Variants in KCNT2 observed in about 807,000 individuals in gnomAD.
The protein encoded by KCNT2 is potassium sodium-activated channel subfamily T member 2, also known as potassium channel subfamily T member 2.
A neutral mutation model predicts 153.8 loss-of-function variants in KCNT2; 67 were observed. The ratio of observed to expected loss-of-function variants is 0.44; its 90% confidence interval spans 0.36 to 0.53. KCNT2 has a LOEUF of 0.53. Ranked by LOEUF, KCNT2 falls within the 20% of genes least tolerant of loss-of-function variation. KCNT2 has a pLI of 0.00. For missense variants in KCNT2, 975 were observed against 1,354.8 expected (o/e 0.72, Z 4.40); for synonymous variants, 500 against 458.8 (o/e 1.09, Z -1.15).
chr1:196,534,763 C>T (rs937022263), intron 1 of KCNT2, among the ~76,000 whole-genome samples: 1 of 152,068 alleles, frequency 6.6e-6, no homozygotes, highest in Non-Finnish European at 1.5e-5. Flanking sequence ...AAAATCCACC[C>T]AAGAAAAAGC....
chr1:196,325,979 C>T (rs1384410259), intron 19 of KCNT2, among the ~76,000 whole-genome samples: 1 of 152,060 alleles, frequency 6.6e-6, no homozygotes, highest in Non-Finnish European at 1.5e-5. Flanking sequence ...TTGACATTTG[C>T]ATCACATTGG....
intron 5 of KCNT2, among the ~76,000 whole-genome samples, chr1:196,475,800 T>G (rs1277515466): frequency 1.3e-5 from 2 of 152,150 alleles, no homozygotes; most frequent in Admixed American, 1.3e-4. Context: ...AAGAAGATAA[T>G]TAACAGCAAC....
At chr1:196,365,373 T>C (rs1401870541) in intron 14 of KCNT2, among the ~76,000 whole-genome samples, 1 of 152,150 alleles carries the variant, frequency 6.6e-6, no homozygotes. Context: ...AGTTTTATAC[T>C]TCCTGTAACT....
chr1:196,322,666 T>A (rs2148052739), intron 19 of KCNT2, among the ~76,000 whole-genome samples: 1 of 152,008 alleles, frequency 6.6e-6, no homozygotes, highest in South Asian at 2.1e-4. Context: ...TTTGTATGAA[T>A]TTGTAAAATT....
intron 1 of KCNT2, among the ~76,000 whole-genome samples, chr1:196,517,164 G>A (rs1652686068): frequency 6.6e-6 from 1 of 152,196 alleles, no homozygotes; most frequent in Non-Finnish European, 1.5e-5. Flanking sequence ...TCACAGAAAA[G>A]TGGTCAGACG....
chr1:196,590,782 T>C (rs1663247186), intron 1 of KCNT2, among the ~76,000 whole-genome samples: 1 of 152,162 alleles, frequency 6.6e-6, no homozygotes, highest in African/African-American at 2.4e-5. Flanking sequence ...TGTATTCTCT[T>C]CCTTACTGAT....
intron 26 of KCNT2, among the ~76,000 whole-genome samples, chr1:196,238,050 A>G (rs536978664): frequency 6.6e-6 from 1 of 152,020 alleles, no homozygotes; most frequent in East Asian, 1.9e-4. Context: ...GAGGTGGACT[A>G]GAAAATCTAC....
intron 1 of KCNT2, among the ~76,000 whole-genome samples, chr1:196,580,182 A>G (rs2148973094): frequency 6.6e-6 from 1 of 152,290 alleles, no homozygotes; most frequent in East Asian, 1.9e-4. Context: ...GAGCATTCCT[A>G]AGATAATGGA....
chr1:196,537,748 T>C (rs1259169419), intron 1 of KCNT2, among the ~76,000 whole-genome samples: 1 of 152,162 alleles, frequency 6.6e-6, no homozygotes, highest in Non-Finnish European at 1.5e-5. Flanking sequence ...AAGTTAAGAG[T>C]ACTTCATTGG....
chr1:196,241,301 T>C (rs1319146351), intron 26 of KCNT2, among the ~76,000 whole-genome samples: 8 of 152,098 alleles, frequency 5.3e-5, no homozygotes. Flanking sequence ...TAGCATAATC[T>C]AGTGAAGATT....
intron 27 of KCNT2, among the ~76,000 whole-genome samples, chr1:196,235,586 T>C (rs1462282426): frequency 1.3e-5 from 2 of 151,344 alleles, no homozygotes; most frequent in African/African-American, 4.8e-5. Flanking sequence ...GAAATAAAAT[T>C]AGTCCCATAG....
chr1:196,418,748 T>C (rs569820324), intron 12 of KCNT2, among the ~76,000 whole-genome samples: 6 of 152,146 alleles, frequency 3.9e-5, no homozygotes, highest in Non-Finnish European at 8.8e-5. Context: ...CTTAATTACC[T>C]ATTTAAAAGC....
chr1:196,544,699 T>C (rs1233043012), intron 1 of KCNT2, among the ~76,000 whole-genome samples: 2 of 152,114 alleles, frequency 1.3e-5, no homozygotes, highest in African/African-American at 4.8e-5. Flanking sequence ...TTCTTTGGTA[T>C]GATTCCATAT....
At chr1:196,360,687 G>A (rs888028159) in intron 14 of KCNT2, among the ~76,000 whole-genome samples, 1 of 152,020 alleles carries the variant, frequency 6.6e-6, no homozygotes. Flanking sequence ...GCGCAACAGA[G>A]GAAACCCCAT....
intron 8 of KCNT2, among the ~76,000 whole-genome samples, chr1:196,458,953 C>G (rs1676918316): frequency 6.6e-6 from 1 of 151,850 alleles, no homozygotes; most frequent in Admixed American, 6.6e-5. Flanking sequence ...GCATTCAAAT[C>G]AGCCCTCAAC....
chr1:196,370,860 C>T (rs140897934), intron 14 of KCNT2, among the ~76,000 whole-genome samples: 8 of 151,944 alleles, frequency 5.3e-5, no homozygotes, highest in Admixed American at 3.3e-4. Flanking sequence ...GAATATTATT[C>T]AGTTGTAAAA....
chr1:196,364,815 C>G (rs945218990), intron 14 of KCNT2, among the ~76,000 whole-genome samples: 3 of 152,052 alleles, frequency 2.0e-5, no homozygotes, highest in Admixed American at 2.0e-4. Flanking sequence ...ATATCTAGAT[C>G]TGCTGTTTGA....
chr1:196,260,781 C>G (rs925483477), intron 25 of KCNT2, among the ~76,000 whole-genome samples: 2 of 151,598 alleles, frequency 1.3e-5, no homozygotes, highest in Admixed American at 1.3e-4. Context: ...TGAATGTTTC[C>G]TAACTCTTTC....
chr1:196,356,801 A>AAG (rs1482585759), intron 14 of KCNT2, among the ~76,000 whole-genome samples: 16 of 152,032 alleles, frequency 1.1e-4, no homozygotes, highest in African/African-American at 3.9e-4. Flanking sequence ...TATAGGATAT[A>AAG]AGGAGTGTTC....
Sources: allele counts gnomAD v4.1 joint callset (sites outside exome capture counted in the v4.1 genomes callset), GRCh38; gene constraint gnomAD v4.1.1; transcripts MANE v1.5; gene names NCBI Gene and HGNC (gene_info 2026-07-23, HGNC 2026-07-21).